TRIM24: variants seen among roughly 807,000 people sequenced by gnomAD.
TRIM24 encodes the protein transcription intermediary factor 1-alpha.
Under a neutral mutation model 123.9 loss-of-function variants are expected in TRIM24, and 29 were observed. That is an observed-to-expected ratio of 0.23 (90% CI 0.17 to 0.32). TRIM24 has a LOEUF of 0.32. TRIM24 is among the 10% of genes least tolerant of loss of function. The pLI is 1.00. For synonymous variants in TRIM24, 456 were observed against 461.1 expected (o/e 0.99, Z 0.14); for missense variants, 932 against 1,295.3 (o/e 0.72, Z 4.31).
chr7:138,577,401 TTCTC>T lies in TRIM24; in HGVS notation c.2088-14_2088-11del, dbSNP rs751725836. 2.7e-6 allele frequency: 4 copies of T among 1,496,526 alleles called. No individual in the cohort carries two copies. In the African/African-American group the frequency reaches 4.3e-5, roughly 16 times the overall value. The allele number at this position is 1,496,526 out of a possible 1,614,324, so 92.7% of individuals were successfully genotyped here. Reference sequence around the variant, plus strand: ...CTTAACATTCTTAGATTGCTTTTTCTTCTCTCTCATACTTACAGCTCTGGCTCTT... The same window carrying T: ...CTTAACATTCTTAGATTGCTTTTTCTTCTCATACTTACAGCTCTGGCTCTT... On this transcript the variant is annotated splice_polypyrimidine_tract_variant and intron_variant, in intron 13 of 18. Coordinates refer to ENST00000343526, the MANE Select transcript of TRIM24 (RefSeq NM_015905.3).
intron 8 of TRIM24, among the ~76,000 whole-genome samples, chr7:138,551,657 G>A (rs1450233075): frequency 6.6e-6 from 1 of 152,074 alleles, no homozygotes; most frequent in Non-Finnish European, 1.5e-5. Flanking sequence ...AGGGATTTAG[G>A]TGTCCTGTCC....
chr7:138,564,414 G>A (rs1323511475), intron 9 of TRIM24, among the ~76,000 whole-genome samples: 1 of 152,184 alleles, frequency 6.6e-6, no homozygotes, highest in Non-Finnish European at 1.5e-5. Context: ...AGTAAATGGG[G>A]GTAGATTGGA....
At position 138,504,904 on chromosome 7, in the gene TRIM24, G is replaced by A. The variant is rs144470407; in HGVS notation, c.483+496G>A. 4.7e-4 allele frequency among the ~76,000 whole-genome samples: 72 copies of A among 152,064 alleles called. 1 individual carries two copies. Among genetic ancestry groups the A allele is most frequent in the African/African-American group, 1.7e-3 (72 of 41,484 alleles). The stretch of plus-strand genomic sequence containing the variant: ...GCCTCATGAGTAGCTGGGATTACAG[G>A]TGTGTGCCACTATGCCCAGCTAATT... On this transcript the variant is annotated intron_variant, in intron 2 of 18. Transcript: ENST00000343526.
intron 9 of TRIM24, among the ~76,000 whole-genome samples, chr7:138,556,969 G>A (rs1797327910): frequency 6.6e-6 from 1 of 152,194 alleles, no homozygotes; most frequent in South Asian, 2.1e-4. Context: ...GCAGAACAAA[G>A]GCAGTTTGAA....
chr7:138,561,833 C>T (rs146039729), intron 9 of TRIM24, among the ~76,000 whole-genome samples: 81 of 152,266 alleles, frequency 5.3e-4, no homozygotes, highest in African/African-American at 1.9e-3. Context: ...TGGTCAGCCT[C>T]CCACAGGAGG....
intron 9 of TRIM24, among the ~76,000 whole-genome samples, chr7:138,561,945 C>G (rs1409839016): frequency 6.6e-6 from 1 of 152,152 alleles, no homozygotes; most frequent in East Asian, 1.9e-4. Flanking sequence ...CCTAGGAATT[C>G]TCTTATTTGT....
intron 1 of TRIM24, among the ~76,000 whole-genome samples, chr7:138,478,696 C>T (rs1008739843): frequency 3.9e-5 from 6 of 152,070 alleles, no homozygotes; most frequent in Non-Finnish European, 8.8e-5. Flanking sequence ...ATCAGTTGAG[C>T]AAGTGGCTCA....
chr7:138,566,347 C>T (rs1386375682), intron 9 of TRIM24, among the ~76,000 whole-genome samples: 1 of 152,084 alleles, frequency 6.6e-6, no homozygotes, highest in African/African-American at 2.4e-5. Context: ...AAAACCCCAT[C>T]TCTACTAAAA....
At chr7:138,500,968 A>T (rs988811527) in intron 1 of TRIM24, among the ~76,000 whole-genome samples, 4 of 44,888 alleles carry the variant, frequency 8.9e-5, no homozygotes, top group Admixed American at 1.6e-4. Context: ...TGTAAAAGAT[A>T]AAAAAAAAAA....
chr7:138,537,378 TG>T lies in TRIM24; in HGVS notation c.997-1278del, dbSNP rs1317957454. ...GAACCACTCCTCCGCCACCCCTGTTTGTTTTTTTTTTTTTTTTTTTTTTTTT... is the reference window on the plus strand; with the variant it reads ...GAACCACTCCTCCGCCACCCCTGTTTTTTTTTTTTTTTTTTTTTTTTTTTT... On this transcript the variant is annotated intron_variant, in intron 6 of 18. Transcript: ENST00000343526. Among the ~76,000 whole-genome samples the T allele has an allele frequency of 5.9e-5, 8 of 136,606 alleles. 1 individual carries two copies. The highest frequency in any genetic ancestry group is 2.1e-4 in the East Asian group (1 of 4,744). 89.6% of individuals were successfully genotyped at this position (136,606 alleles called of 152,430 possible).
In TRIM24 at chr7:138,460,681, G is replaced by A; in HGVS notation, c.133G>A (p.Gly45Ser). ...SRQGPDSERG[G>S]EAARLNLLDT... ...GCAGGGCCCGGACTCGGAGCGCGGCGGCGAGGCGGCCCGGCTCAACCTGTT... is the reference window on the plus strand; with the variant it reads ...GCAGGGCCCGGACTCGGAGCGCGGCAGCGAGGCGGCCCGGCTCAACCTGTT... Residue 45 changes from glycine to serine, a missense_variant, in exon 1 of 19, where the codon GGC becomes AGC. Around this residue, in one of 7 missense-constraint regions of TRIM24, gnomAD observed 164 missense variants for 181.9 expected, o/e 0.90. Coordinates refer to ENST00000343526, the MANE Select transcript of TRIM24 (RefSeq NM_015905.3). 6.5e-7 allele frequency: 1 copy of A among 1,528,308 alleles called. No individual in the cohort carries two copies. The highest frequency in any genetic ancestry group is 8.7e-7 in the Non-Finnish European group (1 of 1,144,332). The allele number at this position is 1,528,308 out of a possible 1,614,324, so 94.7% of individuals were successfully genotyped here.
rs1174922817 is a variant in TRIM24 at position 138,587,186 on chromosome 7, C to T, written c.*2235C>T. ...TGGCCAACATTGTGAAACCCCGCCT[C>T]TACAAAAAATACAAAAATTAGCCGG... On this transcript the variant is annotated 3_prime_UTR_variant, in exon 19 of 19. Coordinates refer to ENST00000343526, the MANE Select transcript of TRIM24 (RefSeq NM_015905.3). The T allele has an allele frequency of 6.6e-6, 1 of 152,102 alleles. No homozygotes were observed. Among genetic ancestry groups the T allele is most frequent in the Non-Finnish European group, 1.5e-5 (1 of 68,038 alleles). The allele number at this position is 152,102 out of a possible 1,614,324, so 9.4% of individuals were successfully genotyped here. A position where few individuals can be genotyped will look rare whatever the true frequency, so the allele number is the denominator to read the frequency against.
intron 7 of TRIM24, among the ~76,000 whole-genome samples, chr7:138,545,037 A>G (rs1797072909): frequency 6.6e-6 from 1 of 152,190 alleles, no homozygotes; most frequent in African/African-American, 2.4e-5. Context: ...ATTATTAGAA[A>G]TATTGTATAA....
intron 1 of TRIM24, among the ~76,000 whole-genome samples, chr7:138,486,780 A>T (rs764676307): frequency 7.9e-5 from 12 of 152,142 alleles, no homozygotes; most frequent in Non-Finnish European, 1.5e-4. Context: ...TGATGCCTCC[A>T]GCTTTGTTCT....
At chr7:138,475,460 G>A (rs1795376452) in intron 1 of TRIM24, among the ~76,000 whole-genome samples, 1 of 152,164 alleles carries the variant, frequency 6.6e-6, no homozygotes, top group Non-Finnish European at 1.5e-5. Context: ...GGCTTAACTG[G>A]CCTATTAAGA....
chr7:138,505,559 C>T (rs1796136342), intron 2 of TRIM24, among the ~76,000 whole-genome samples: 1 of 134,092 alleles, frequency 7.5e-6, no homozygotes, highest in South Asian at 2.3e-4. Context: ...GTTGTTGAGA[C>T]AGGGTCTCAC....
At chr7:138,578,949 T>C (rs1052058690) in intron 14 of TRIM24, among the ~76,000 whole-genome samples, 1 of 151,496 alleles carries the variant, frequency 6.6e-6, no homozygotes, top group Non-Finnish European at 1.5e-5. Flanking sequence ...GGTCATGTGG[T>C]TGACTTCCAC....
chr7:138,571,799 G>C (rs908078169), intron 11 of TRIM24, among the ~76,000 whole-genome samples: 2 of 152,170 alleles, frequency 1.3e-5, no homozygotes, highest in African/African-American at 4.8e-5. Flanking sequence ...TTGAACTCCT[G>C]GGCTGAAGGG....
At chr7:138,524,553 T>A in intron 4 of TRIM24, among the ~76,000 whole-genome samples, 1 of 152,278 alleles carries the variant, frequency 6.6e-6, no homozygotes, top group Non-Finnish European at 1.5e-5. Flanking sequence ...TTATATAAAA[T>A]TGTTAATTTA....
Sources: gnomAD v4.1 joint callset for allele counts (sites outside exome capture counted in the v4.1 genomes callset) on GRCh38, gnomAD v4.1.1 for gene constraint, gnomAD v4.1.1 regional missense constraint, MANE v1.5 for transcripts, NCBI Gene and HGNC (gene_info 2026-07-23, HGNC 2026-07-21) for gene names.